RYR2: variants seen among roughly 807,000 people sequenced by gnomAD.
RYR2 encodes the protein cardiac muscle ryanodine receptor-calcium release channel.
Under a neutral mutation model 601.1 loss-of-function variants are expected in RYR2, and 227 were observed. The observed-to-expected ratio is 0.38, with a 90% CI of 0.34 to 0.42. The LOEUF (loss-of-function observed/expected upper bound fraction) is 0.42, where lower values mean the gene tolerates loss of function less well. RYR2 is among the 10% of genes least tolerant of loss of function. The probability of loss-of-function intolerance (pLI) is 1.00; values close to 1 mark genes in which losing one functional copy is unlikely to be tolerated. For synonymous variants in RYR2, 2,223 were observed against 2,175.1 expected (o/e 1.02, Z -0.61); for missense variants, 4,646 against 6,156.5 (o/e 0.75, Z 8.21).
intron 20 of RYR2, 86 bp from the exon 21 acceptor site, chr1:237,500,625 T>A (rs553686292): frequency 8.6e-7 from 1 of 1,156,358 alleles, no homozygotes; most frequent in African/African-American, 1.5e-5. Flanking sequence ...TGTCACTACT[T>A]ATTCAAATCT....
intron 16 of RYR2, among the ~76,000 whole-genome samples, chr1:237,463,200 T>A (rs1659681325): frequency 6.6e-6 from 1 of 152,216 alleles, no homozygotes; most frequent in East Asian, 1.9e-4. Context: ...TTTTCTGTGC[T>A]GCGTAGGGCC....
chr1:237,042,550 A>T lies in RYR2; in HGVS notation c.29A>T (p.Glu10Val). MADGGEGED[E>V]IQFLRTDDEV... Reference sequence around the variant, plus strand: ...GCCGATGGGGGCGAGGGCGAAGACGAGATCCAGTTCCTGCGAACTGTAAGC... The same window carrying T: ...GCCGATGGGGGCGAGGGCGAAGACGTGATCCAGTTCCTGCGAACTGTAAGC... The change falls in exon 1 of 105, where the codon GAG becomes GTG. Residue 10 changes from glutamate to valine, a missense_variant. Transcript: ENST00000366574. The T allele has an allele frequency of 7.9e-7, 1 of 1,260,870 alleles. No homozygotes were observed. The highest frequency in any genetic ancestry group is 1.0e-6 in the Non-Finnish European group (1 of 995,190). The allele number at this position is 1,260,870 out of a possible 1,614,324, so 78.1% of individuals were successfully genotyped here. A position where few individuals can be genotyped will look rare whatever the true frequency, so the allele number is the denominator to read the frequency against.
chr1:237,569,719 C>G (rs929704492), intron 29 of RYR2, among the ~76,000 whole-genome samples: 2 of 152,110 alleles, frequency 1.3e-5, no homozygotes, highest in Admixed American at 6.6e-5. Flanking sequence ...TTGCTGGATG[C>G]TGAGGTGACA....
chr1:237,103,815 C>T (rs1018835865), intron 1 of RYR2, among the ~76,000 whole-genome samples: 10 of 152,160 alleles, frequency 6.6e-5, no homozygotes, highest in Non-Finnish European at 1.3e-4. Context: ...GTGGTCCACC[C>T]GCCTCGGCCT....
At chr1:237,234,384 G>T (rs1480876104) in intron 1 of RYR2, among the ~76,000 whole-genome samples, 3 of 152,082 alleles carry the variant, frequency 2.0e-5, no homozygotes, top group African/African-American at 7.2e-5. Flanking sequence ...ATATTTCCCA[G>T]AATGTGCTTT....
rs750900321 is a variant in RYR2, at chr1:237,649,835, T to A, written c.7513-42T>A. ...GTTAATCCCTTTGAAGATTATCTAC[T>A]GCCAAACACAAATGGCCTTCTACTC... On this transcript the variant is annotated intron_variant, in intron 49 of 104. Transcript: ENST00000366574. 1.9e-6 allele frequency: 3 copies of A among 1,569,266 alleles called. No individual in the cohort carries two copies. In the Admixed American group the frequency reaches 5.1e-5, roughly 27 times the overall value.
intron 1 of RYR2, among the ~76,000 whole-genome samples, chr1:237,231,521 G>C (rs1023161514): frequency 1.3e-5 from 2 of 152,164 alleles, no homozygotes; most frequent in Non-Finnish European, 2.9e-5. Flanking sequence ...ATTAGCAGTA[G>C]AGGGTAGACA....
rs561279038 is a variant in RYR2, at chr1:237,604,252, C to G, written c.4683+2141C>G. ...AGACCACAGTGCAATCAAACTAGAA[C>G]TCAGGATTAAGAAACTCACTCAAAA... is the stretch of plus-strand genomic sequence containing the variant. On this transcript the variant is annotated intron_variant, in intron 35 of 104. Transcript: ENST00000366574. Among the ~76,000 whole-genome samples the G allele has an allele frequency of 1.3e-3, 197 of 152,238 alleles. 1 individual carries two copies. Among genetic ancestry groups the G allele is most frequent in the African/African-American group, 4.6e-3 (192 of 41,544 alleles).
intron 1 of RYR2, among the ~76,000 whole-genome samples, chr1:237,155,079 C>T (rs1675158310): frequency 6.6e-6 from 1 of 151,956 alleles, no homozygotes; most frequent in Non-Finnish European, 1.5e-5. Flanking sequence ...TCCTTGTTTG[C>T]TCAAATTAAG....
At chr1:237,780,702 C>A (rs1181969441) in intron 88 of RYR2, among the ~76,000 whole-genome samples, 1 of 152,126 alleles carries the variant, frequency 6.6e-6, no homozygotes, top group Non-Finnish European at 1.5e-5. Flanking sequence ...TACTGGAAAG[C>A]TTAATCAAAT....
chr1:237,215,223 A>C (rs752138142), intron 1 of RYR2, among the ~76,000 whole-genome samples: 41 of 152,192 alleles, frequency 2.7e-4, no homozygotes, highest in Non-Finnish European at 7.3e-5. Flanking sequence ...TAGCATTGGC[A>C]GGATCTGAGT....
intron 16 of RYR2, 34 bp from the exon 17 acceptor site, chr1:237,469,058 C>G: frequency 6.4e-7 from 1 of 1,569,462 alleles, no homozygotes; most frequent in South Asian, 1.1e-5. Flanking sequence ...GCTAGAAAAT[C>G]ACATAAAGGT....
chr1:237,222,529 G>A (rs533555861), intron 1 of RYR2, among the ~76,000 whole-genome samples: 1 of 151,768 alleles, frequency 6.6e-6, no homozygotes, highest in East Asian at 1.9e-4. Flanking sequence ...TCTCCTATTT[G>A]ACCAGCCAGA....
At chr1:237,437,645 T>C (rs184792471) in intron 12 of RYR2, among the ~76,000 whole-genome samples, 2 of 152,286 alleles carry the variant, frequency 1.3e-5, no homozygotes, top group East Asian at 3.9e-4. Context: ...TGCCAACATT[T>C]CCCTGATAGT....
chr1:237,358,536 TC>T (rs1300958558), intron 4 of RYR2, among the ~76,000 whole-genome samples: 1 of 151,888 alleles, frequency 6.6e-6, no homozygotes, highest in Non-Finnish European at 1.5e-5. Context: ...GGAGCTTCTA[TC>T]CCCAGAAAAC....
chr1:237,127,960 G>A (rs1671711930), intron 1 of RYR2, among the ~76,000 whole-genome samples: 1 of 152,192 alleles, frequency 6.6e-6, no homozygotes, highest in Non-Finnish European at 1.5e-5. Context: ...AGGCAGAGAT[G>A]CTCCTCACTT....
intron 17 of RYR2, among the ~76,000 whole-genome samples, chr1:237,478,264 G>A (rs1300645176): frequency 6.6e-6 from 1 of 152,120 alleles, no homozygotes; most frequent in East Asian, 1.9e-4. Flanking sequence ...AGTTGGACTG[G>A]CCTAAGTCCA....
At chr1:237,385,329 AGTGTT>A (rs1013827827) in intron 8 of RYR2, among the ~76,000 whole-genome samples, 8 of 152,350 alleles carry the variant, frequency 5.3e-5, no homozygotes, top group African/African-American at 1.7e-4. Context: ...GTATATAAAA[AGTGTT>A]GTGTGTAATG....
At chr1:237,697,807 A>G (rs1208993537) in intron 63 of RYR2, among the ~76,000 whole-genome samples, 2 of 152,064 alleles carry the variant, frequency 1.3e-5, no homozygotes, top group Non-Finnish European at 2.9e-5. Flanking sequence ...AAAATAAAAA[A>G]TCCTACCATT....
Sources: allele counts gnomAD v4.1 joint callset (sites outside exome capture counted in the v4.1 genomes callset), GRCh38; gene constraint gnomAD v4.1.1; transcripts MANE v1.5; gene names NCBI Gene and HGNC (gene_info 2026-07-23, HGNC 2026-07-21).